Variants in DYSF observed in about 807,000 individuals in gnomAD.
DYSF encodes the protein dystrophy-associated fer-1-like 1.
DYSF carries 212 observed loss-of-function variants against 274.9 expected under a neutral mutation model. The observed-to-expected ratio is 0.77, with a 90% CI of 0.69 to 0.86. The LOEUF (loss-of-function observed/expected upper bound fraction) is 0.86, where lower values mean the gene tolerates loss of function less well. Among genes scored for constraint, DYSF ranks in the 40% least tolerant of loss-of-function variants. The probability of loss-of-function intolerance (pLI) is 0.00; values close to 1 mark genes in which losing one functional copy is unlikely to be tolerated. For synonymous variants in DYSF, 1,091 were observed against 1,078.7 expected (o/e 1.01, Z -0.22); for missense variants, 2,666 against 2,783.2 (o/e 0.96, Z 0.95).
intron 53 of DYSF, among the ~76,000 whole-genome samples, chr2:71,680,290 T>TA (rs2095280034): frequency 2.0e-5 from 3 of 152,158 alleles, no homozygotes; most frequent in Non-Finnish European, 4.4e-5. Flanking sequence ...ATTATATATA[T>TA]TTTTAAAACA....
intron 30 of DYSF, among the ~76,000 whole-genome samples, chr2:71,580,982 A>G (rs1574142806): frequency 1.3e-5 from 2 of 152,168 alleles, no homozygotes; most frequent in East Asian, 3.9e-4. Context: ...TACATGCATG[A>G]GGGTCTTCAT....
intron 42 of DYSF, among the ~76,000 whole-genome samples, chr2:71,650,557 T>G (rs1246125032): frequency 6.6e-6 from 1 of 152,180 alleles, no homozygotes; most frequent in Non-Finnish European, 1.5e-5. Context: ...GTAACCTGAT[T>G]TAACCCAGTA....
chr2:71,611,624 G>T lies in DYSF; in HGVS notation c.4219G>T (p.Val1407Leu). 1 of 1,613,520 alleles carries T rather than the reference G, an allele frequency of 6.2e-7. No homozygotes were observed. Among genetic ancestry groups the T allele is most frequent in the Non-Finnish European group, 8.5e-7 (1 of 1,179,938 alleles). ...TGACATCTGCACCCTCTTCATGGAA[G>T]TGGTGAGCCCCACCTCCCTACTGTC... ...NFDICTLFMEVMLPREELYCP... is the reference protein window; with the variant it reads ...NFDICTLFMELMLPREELYCP... Residue 1407 changes from valine (V) to leucine (L), a missense_variant and splice_region_variant, in exon 38 of 56, where the codon GTG becomes TTG. By Grantham distance (32) the Val-to-Leu change is conservative. This residue lies in a region of DYSF where 1,460 missense variants were observed against 1,502.1 expected (regional missense o/e 0.97). Coordinates refer to ENST00000410020, the MANE Select transcript of DYSF (RefSeq NM_001130987.2).
intron 9 of DYSF, 80 bp downstream of exon 9, chr2:71,516,322 GCA>G (rs111595327): frequency 1.0e-4 from 141 of 1,370,200 alleles, no homozygotes; most frequent in Middle Eastern, 1.9e-4. Context: ...GTGTGTTTGT[GCA>G]CGTGTGTGCA....
chr2:71,644,183 G>A, intron 42 of DYSF, 120 bp downstream of exon 42: 1 of 905,986 alleles, frequency 1.1e-6, no homozygotes, highest in Non-Finnish European at 1.8e-6. Context: ...TTCGGTGTCT[G>A]AGGGTGATGA....
At chr2:71,643,874 G>A (rs371437606) in intron 41 of DYSF, 91 bp from the exon 42 acceptor site, 9 of 987,042 alleles carry the variant, frequency 9.1e-6, no homozygotes, top group South Asian at 6.9e-5. Context: ...GTCCAGAGCG[G>A]CCTAGCAGCG....
chr2:71,497,664 C>T (rs569145765), intron 3 of DYSF, among the ~76,000 whole-genome samples: 5 of 152,228 alleles, frequency 3.3e-5, no homozygotes, highest in African/African-American at 9.6e-5. Context: ...CAGACCAAAC[C>T]GAGGGTCTGG....
chr2:71,526,416 G>GGGGGGGGGGGGGT, intron 13 of DYSF, 70 bp downstream of exon 13: 1 of 513,690 alleles, frequency 1.9e-6, no homozygotes, highest in Non-Finnish European at 3.7e-6. Context: ...GGGGGTGGGC[G>GGGGGGGGGGGGGT]ATGGCGGGCG....
rs1175638634 is a variant in DYSF at position 71,615,286 on chromosome 2, C to G, written c.4464+1876C>G. ...ACTCTGGCTAGAGCTGCTGGCCAGA[C>G]CAGCAGCACTGGTGGGAGCTGGGAT... On this transcript the variant is annotated intron_variant, in intron 40 of 55. Coordinates refer to ENST00000410020, the MANE Select transcript of DYSF (RefSeq NM_001130987.2). This position sits in a 1 kb window ranked among gnomAD's most constrained non-coding sequence, Gnocchi z 4.9. Among the ~76,000 whole-genome samples the G allele has an allele frequency of 6.6e-6, 1 of 152,100 alleles. No homozygotes were observed. Among genetic ancestry groups the G allele is most frequent in the African/African-American group, 2.4e-5 (1 of 41,446 alleles).
At chr2:71,563,886 C>T (rs556847551) in intron 23 of DYSF, among the ~76,000 whole-genome samples, 172 bp from the exon 24 acceptor site, 111 of 152,348 alleles carry the variant, frequency 7.3e-4, no homozygotes, top group African/African-American at 2.4e-3. Flanking sequence ...AAGCCAGACA[C>T]TGGCCAGCCC....
intron 1 of DYSF, among the ~76,000 whole-genome samples, chr2:71,467,981 G>T (rs6738477): frequency 0.34 from 51,557 of 152,036 alleles, 9,014 homozygotes; most frequent in African/African-American, 0.4. Context: ...TGAAAGACAT[G>T]ATTTGGCAAA....
chr2:71,593,342 G>C (rs967876049), intron 32 of DYSF, among the ~76,000 whole-genome samples: 4 of 152,018 alleles, frequency 2.6e-5, no homozygotes, highest in Non-Finnish European at 4.4e-5. Context: ...TGTTGGCCAG[G>C]CTGGTCTTGA....
intron 30 of DYSF, among the ~76,000 whole-genome samples, chr2:71,581,398 T>TTAGATTG (rs1269684869): frequency 6.6e-6 from 1 of 152,236 alleles, no homozygotes. Context: ...AAGGTTGCAA[T>TTAGATTG]CAGCCCTGAT....
intron 41 of DYSF, among the ~76,000 whole-genome samples, chr2:71,622,711 G>T (rs2094133229): frequency 6.6e-6 from 1 of 152,166 alleles, no homozygotes; most frequent in African/African-American, 2.4e-5. Flanking sequence ...TGCCTCCTGG[G>T]TTCAAGCAAT....
chr2:71,667,002 C>T (rs1350960060), intron 47 of DYSF, among the ~76,000 whole-genome samples: 1 of 152,142 alleles, frequency 6.6e-6, no homozygotes, highest in Non-Finnish European at 1.5e-5. Flanking sequence ...CACTAAGATG[C>T]CAAATCTAGG....
At chr2:71,550,320 T>A (rs991967754) in intron 17 of DYSF, among the ~76,000 whole-genome samples, 1 of 152,220 alleles carries the variant, frequency 6.6e-6, no homozygotes, top group Admixed American at 6.5e-5. Context: ...CAGAAAAGGA[T>A]GAAAGAATGT....
intron 3 of DYSF, among the ~76,000 whole-genome samples, chr2:71,492,708 C>CT (rs1553514300): frequency 1.5e-5 from 2 of 137,542 alleles, no homozygotes; most frequent in Non-Finnish European, 3.1e-5. Context: ...TCCCCCCCCC[C>CT]CTTTTCTTTC....
At chr2:71,685,788 G>A (rs1254020502) in intron 55 of DYSF, among the ~76,000 whole-genome samples, 1 of 152,194 alleles carries the variant, frequency 6.6e-6, no homozygotes, top group East Asian at 1.9e-4. Flanking sequence ...CCGGCGCTGG[G>A]GAACATACTG....
chr2:71,532,289 G>A (rs1378748823), intron 14 of DYSF, among the ~76,000 whole-genome samples: 3 of 152,348 alleles, frequency 2.0e-5, no homozygotes, highest in Non-Finnish European at 4.4e-5. Flanking sequence ...TTTCTGTAGG[G>A]AAGTTTCTAG....
Sources: allele counts gnomAD v4.1 joint callset (sites outside exome capture counted in the v4.1 genomes callset), GRCh38; gene constraint gnomAD v4.1.1; regional missense constraint gnomAD v4.1.1; non-coding constraint Gnocchi (gnomAD v3.1); transcripts MANE v1.5; gene names NCBI Gene and HGNC (gene_info 2026-07-23, HGNC 2026-07-21).